The following DAD1 variants were observed in gnomAD, a reference collection of about 807,000 sequenced individuals.
DAD1 encodes the protein dolichyl-diphosphooligosaccharide--protein glycosyltransferase subunit DAD1.
A neutral mutation model predicts 9.0 loss-of-function variants in DAD1; 4 were observed. The observed-to-expected ratio is 0.44, with a 90% CI of 0.22 to 1.01. The LOEUF (loss-of-function observed/expected upper bound fraction) is 1.01. Among genes scored for constraint, DAD1 ranks in the 50% least tolerant of loss-of-function variants. The pLI, the probability that DAD1 is intolerant of heterozygous loss-of-function variation, is 0.24. For synonymous variants in DAD1, 60 were observed against 62.5 expected (o/e 0.96, Z 0.19); for missense variants, 119 against 137.3 (o/e 0.87, Z 0.67).
intron 2 of DAD1, among the ~76,000 whole-genome samples, chr14:22,572,022 T>C (rs988095023): frequency 6.6e-6 from 1 of 152,144 alleles, no homozygotes; most frequent in Non-Finnish European, 1.5e-5. Context: ...TAAAATGATA[T>C]AGAACAAGAA....
At chr14:22,571,220 CAGG>C (rs1195574230) in intron 2 of DAD1, among the ~76,000 whole-genome samples, 2 of 143,616 alleles carry the variant, frequency 1.4e-5, no homozygotes, top group African/African-American at 5.6e-5. Context: ...GAGGCTGCGG[CAGG>C]AGAATTGCTT....
chr14:22,569,432 C>CAA (rs34250775), intron 2 of DAD1, among the ~76,000 whole-genome samples: 17 of 126,652 alleles, frequency 1.3e-4, no homozygotes, highest in South Asian at 5.1e-4. Context: ...GACTCCGTCT[C>CAA]AAAAAAAAAA....
chr14:22,569,432 CA>C (rs34250775), intron 2 of DAD1, among the ~76,000 whole-genome samples: 50,466 of 126,446 alleles, frequency 0.4, 8,637 homozygotes, highest in African/African-American at 0.5. Context: ...GACTCCGTCT[CA>C]AAAAAAAAAA....
At chr14:22,571,475 A>G (rs891073537) in intron 2 of DAD1, among the ~76,000 whole-genome samples, 11 of 152,064 alleles carry the variant, frequency 7.2e-5, no homozygotes, top group Middle Eastern at 3.2e-3. Context: ...TGATCATTTC[A>G]GGTGTGCATG....
chr14:22,575,556 T>G (rs947524245), intron 1 of DAD1, among the ~76,000 whole-genome samples: 3 of 152,198 alleles, frequency 2.0e-5, no homozygotes, highest in African/African-American at 4.8e-5. Context: ...CTTTATTTTT[T>G]GGGGAGTCGG....
intron 2 of DAD1, among the ~76,000 whole-genome samples, chr14:22,569,969 T>TA (rs1332540174): frequency 1.3e-5 from 2 of 151,844 alleles, no homozygotes; most frequent in South Asian, 2.1e-4. Context: ...CCCCAGCACA[T>TA]AAAAAAATAT....
intron 1 of DAD1, among the ~76,000 whole-genome samples, chr14:22,578,527 A>G (rs996010097): frequency 6.6e-6 from 1 of 152,232 alleles, no homozygotes; most frequent in Admixed American, 6.5e-5. Context: ...AGATTGCGCC[A>G]CTGCACTCCA....
chr14:22,573,946 A>G (rs2037060355), intron 2 of DAD1, among the ~76,000 whole-genome samples: 1 of 152,270 alleles, frequency 6.6e-6, no homozygotes, highest in East Asian at 1.9e-4. Context: ...TAGATGCTCT[A>G]ACTCTTATAC....
intron 1 of DAD1, among the ~76,000 whole-genome samples, chr14:22,579,220 C>CAA (rs5807179): frequency 0.11 from 13,171 of 123,866 alleles, 1,054 homozygotes; most frequent in African/African-American, 0.24. Context: ...TCACCATTGA[C>CAA]AAAAAAAAAA....
chr14:22,587,223 T>A (rs990037895), intron 1 of DAD1, among the ~76,000 whole-genome samples: 10 of 152,208 alleles, frequency 6.6e-5, no homozygotes, highest in Admixed American at 3.9e-4. Context: ...AAAGCATCCA[T>A]GAAAAATCAT....
intron 1 of DAD1, among the ~76,000 whole-genome samples, chr14:22,585,870 C>T (rs1415452412): frequency 2.0e-5 from 3 of 152,190 alleles, no homozygotes; most frequent in Admixed American, 2.0e-4. Flanking sequence ...CCAATTCATC[C>T]TACATGCTAA....
At chr14:22,576,737 A>G (rs956366303) in intron 1 of DAD1, among the ~76,000 whole-genome samples, 1 of 152,256 alleles carries the variant, frequency 6.6e-6, no homozygotes, top group African/African-American at 2.4e-5. Flanking sequence ...TAAAGGGTTA[A>G]TATCAGAATA....
chr14:22,582,502 C>A (rs1486878987), intron 1 of DAD1, among the ~76,000 whole-genome samples: 3 of 151,472 alleles, frequency 2.0e-5, no homozygotes, highest in Admixed American at 2.0e-4. Context: ...CCAGCCTGGG[C>A]AACAGAGCGA....
Position 22,588,989 on chromosome 14 carries a change from G to GA in DAD1, c.168dup (p.Leu57SerfsTer40), listed in dbSNP as rs2037173145. 3 of 1,614,220 alleles carry GA rather than the reference G, an allele frequency of 1.9e-6. No individual in the cohort carries two copies. Among genetic ancestry groups the GA allele is most frequent in the Non-Finnish European group, 1.7e-6 (2 of 1,180,048 alleles). On this transcript the variant is annotated frameshift_variant, in exon 1 of 3. Transcript: ENST00000250498. LOFTEE classifies it high-confidence loss of function. ...CCCACACAAGAGATGAAGCCCGAGA[G>GA]AAAAGAGTTGAAGGGGAAGGTCCCC...
chr14:22,568,639 GTTTA>G (rs2037017148), intron 2 of DAD1, among the ~76,000 whole-genome samples: 1 of 151,006 alleles, frequency 6.6e-6, no homozygotes, highest in African/African-American at 2.4e-5. Context: ...TCAGAGGTAA[GTTTA>G]TTTGTCCATT....
chr14:22,573,646 T>C (rs976221049), intron 2 of DAD1, among the ~76,000 whole-genome samples: 10 of 139,196 alleles, frequency 7.2e-5, no homozygotes, highest in Admixed American at 3.1e-4. Context: ...GGAGGCGGAG[T>C]CTGCAGTGAG....
Position 22,565,129 on chromosome 14 carries a change from A to T in DAD1, c.*53T>A. The T allele has an allele frequency of 1.4e-6, 1 of 702,328 alleles. No individual in the cohort carries two copies. The highest frequency in any genetic ancestry group is 2.6e-6 in the Non-Finnish European group (1 of 384,798). 43.5% of individuals were successfully genotyped at this position (702,328 alleles called of 1,614,324 possible). A position where few individuals can be genotyped will look rare whatever the true frequency, so the allele number is the denominator to read the frequency against. ...CAGAACTCTTATCCAGGAAATTCAA[A>T]GAGTGAACCTAGAAGAAAAAAGCAG... On this transcript the variant is annotated 3_prime_UTR_variant, in exon 3 of 3. Transcript: ENST00000250498.
Position 22,577,119 on chromosome 14 carries a change from G to A in DAD1, c.212-1886C>T, listed in dbSNP as rs1005552577. Among the ~76,000 whole-genome samples, 3 of 152,138 alleles carry A rather than the reference G, an allele frequency of 2.0e-5. No individual in the cohort carries two copies. In the East Asian group the frequency reaches 5.8e-4, roughly 29 times the overall value. ...TATAATCCAGCAATTCCACTTCTGG[G>A]TACATATCCAAAAGAAGTGAAAGCA... On this transcript the variant is annotated intron_variant, in intron 1 of 2. Coordinates refer to ENST00000250498, the MANE Select transcript of DAD1 (RefSeq NM_001344.4).
intron 2 of DAD1, among the ~76,000 whole-genome samples, chr14:22,571,367 A>G (rs574596992): frequency 1.2e-4 from 18 of 151,994 alleles, no homozygotes; most frequent in African/African-American, 4.3e-4. Flanking sequence ...AAACATGGAA[A>G]AAACTAAAGT....
Sources: gnomAD v4.1 joint callset for allele counts (sites outside exome capture counted in the v4.1 genomes callset) on GRCh38, gnomAD v4.1.1 for gene constraint, MANE v1.5 for transcripts, NCBI Gene and HGNC (gene_info 2026-07-23, HGNC 2026-07-21) for gene names.